Variants in MPP7 observed in about 807,000 individuals in gnomAD.
MPP7 encodes MAGUK p55 scaffold protein 7, also known as MAGUK p55 subfamily member 7.
Under a neutral mutation model 76.5 loss-of-function variants are expected in MPP7, and 60 were observed. That is an observed-to-expected ratio of 0.78 (90% CI 0.64 to 0.97). The LOEUF is 0.97. Ranked by LOEUF, MPP7 falls within the 50% of genes least tolerant of loss-of-function variation. The pLI is 0.00. For missense variants in MPP7, 641 were observed against 694.0 expected (o/e 0.92, Z 0.86); for synonymous variants, 237 against 244.5 (o/e 0.97, Z 0.29).
intron 13 of MPP7, among the ~76,000 whole-genome samples, chr10:28,069,271 A>G (rs890504171): frequency 7.9e-5 from 12 of 152,206 alleles, no homozygotes; most frequent in Non-Finnish European, 1.5e-5. Flanking sequence ...TGGATACCAC[A>G]TTCTCCATGA....
chr10:28,191,425 CAAATT>C (rs1290959045), intron 3 of MPP7, among the ~76,000 whole-genome samples: 1 of 152,096 alleles, frequency 6.6e-6, no homozygotes, highest in Non-Finnish European at 1.5e-5. Flanking sequence ...AGCAATAGAT[CAAATT>C]AATTATATAC....
At chr10:28,259,829 A>G (rs11006963) in intron 1 of MPP7, among the ~76,000 whole-genome samples, 30,253 of 151,934 alleles carry the variant, frequency 0.2, 3,858 homozygotes, top group Middle Eastern at 0.31. Flanking sequence ...AAAAAATACA[A>G]AAAATTAGCC....
At chr10:28,161,295 T>C (rs1051028768) in intron 3 of MPP7, among the ~76,000 whole-genome samples, 1 of 152,154 alleles carries the variant, frequency 6.6e-6, no homozygotes, top group Non-Finnish European at 1.5e-5. Flanking sequence ...GATATTTTAA[T>C]GCACTCAAAT....
chr10:28,262,210 T>TATAC (rs1839985950), intron 1 of MPP7, among the ~76,000 whole-genome samples: 6 of 8,210 alleles, frequency 7.3e-4, no homozygotes, highest in Admixed American at 1.8e-3. Context: ...TATATATACA[T>TATAC]ATATATATAT....
intron 12 of MPP7, among the ~76,000 whole-genome samples, chr10:28,077,919 T>C (rs571833113): frequency 6.6e-6 from 1 of 152,310 alleles, no homozygotes; most frequent in Non-Finnish European, 1.5e-5. Flanking sequence ...ATGTGTGACA[T>C]GGTTCACATA....
At chr10:28,329,381 C>A (rs1338637629) in intron 2 of MPP7, among the ~76,000 whole-genome samples, 1 of 152,086 alleles carries the variant, frequency 6.6e-6, no homozygotes, top group Non-Finnish European at 1.5e-5. Context: ...GTAATCCCAG[C>A]ACTTTGGGAA....
At chr10:28,076,969 T>G (rs1852518012) in intron 12 of MPP7, among the ~76,000 whole-genome samples, 1 of 151,740 alleles carries the variant, frequency 6.6e-6, no homozygotes, top group Non-Finnish European at 1.5e-5. Flanking sequence ...GGGATGTAAA[T>G]TCACCATTTC....
intron 3 of MPP7, among the ~76,000 whole-genome samples, chr10:28,172,592 T>C (rs1220910722): frequency 6.6e-6 from 1 of 152,216 alleles, no homozygotes; most frequent in Non-Finnish European, 1.5e-5. Context: ...GACAAAATAA[T>C]GTTTTTCATC....
chr10:28,284,968 G>A (rs184213882), intron 1 of MPP7, among the ~76,000 whole-genome samples: 178 of 152,234 alleles, frequency 1.2e-3, no homozygotes, highest in African/African-American at 4.1e-3. Context: ...GCTACTTTCA[G>A]AATAGAACAA....
chr10:28,314,038 C>A (rs1323519637), intron 2 of MPP7, among the ~76,000 whole-genome samples: 24 of 152,022 alleles, frequency 1.6e-4, no homozygotes, highest in Admixed American at 1.4e-3. Context: ...AGCTTCCATG[C>A]TGTTTAGAAT....
At chr10:28,161,758 C>G (rs1208554107) in intron 3 of MPP7, among the ~76,000 whole-genome samples, 1 of 152,066 alleles carries the variant, frequency 6.6e-6, no homozygotes, top group African/African-American at 2.4e-5. Flanking sequence ...ATTATTTCCC[C>G]AACTTTTCAC....
intron 12 of MPP7, among the ~76,000 whole-genome samples, chr10:28,081,576 T>A (rs1852760819): frequency 6.6e-6 from 1 of 152,224 alleles, no homozygotes; most frequent in Non-Finnish European, 1.5e-5. Flanking sequence ...TCCATTATTG[T>A]ATTTTTGCCA....
chr10:28,317,418 C>T (rs1361906694), intron 2 of MPP7, among the ~76,000 whole-genome samples: 7 of 152,098 alleles, frequency 4.6e-5, no homozygotes. Context: ...GTAGCCTCAA[C>T]TACTTGCGAG....
At chr10:28,193,200 T>C (rs1390969790) in intron 3 of MPP7, among the ~76,000 whole-genome samples, 1 of 148,454 alleles carries the variant, frequency 6.7e-6, no homozygotes, top group African/African-American at 2.6e-5. Context: ...GGTTTTTTTG[T>C]TTGGTTGGTT....
At chr10:28,238,320 A>G (rs1347251553) in intron 2 of MPP7, among the ~76,000 whole-genome samples, 4 of 152,220 alleles carry the variant, frequency 2.6e-5, no homozygotes, top group Non-Finnish European at 5.9e-5. Context: ...GCACAGAATT[A>G]TTCTAAAAGC....
rs116222864 is a variant in MPP7, at chr10:28,107,075, G to A, written c.952+12576C>T. Among the ~76,000 whole-genome samples, 593 of 152,232 alleles carry A rather than the reference G, an allele frequency of 3.9e-3. 2 individuals carry two copies. Among genetic ancestry groups the A allele is most frequent in the African/African-American group, 0.014 (565 of 41,530 alleles). ...AAAATCTGGCAAAACTTTAATAAATGTGTCAATTACTTAACCTAAAACTTA... is the reference window on the plus strand; with the variant it reads ...AAAATCTGGCAAAACTTTAATAAATATGTCAATTACTTAACCTAAAACTTA... On this transcript the variant is annotated intron_variant, in intron 11 of 16. Coordinates refer to ENST00000683449, the MANE Select transcript of MPP7 (RefSeq NM_001318170.2).
chr10:28,256,308 A>G (rs1047117749), intron 1 of MPP7, among the ~76,000 whole-genome samples: 1 of 145,606 alleles, frequency 6.9e-6, no homozygotes, highest in East Asian at 2.0e-4. Flanking sequence ...ATTGCCATAC[A>G]TTTTCAGTTG....
intron 1 of MPP7, among the ~76,000 whole-genome samples, chr10:28,270,373 A>G (rs946265069): frequency 1.3e-5 from 2 of 152,058 alleles, no homozygotes; most frequent in African/African-American, 4.8e-5. Context: ...CATGTTTAAA[A>G]CTATTGTTTT....
chr10:28,151,549 C>G (rs1293664073), intron 3 of MPP7, among the ~76,000 whole-genome samples: 1 of 152,152 alleles, frequency 6.6e-6, no homozygotes, highest in African/African-American at 2.4e-5. Flanking sequence ...TGCTTCCCTG[C>G]TATAATAAAC....
Sources: gnomAD v4.1 joint callset for allele counts (sites outside exome capture counted in the v4.1 genomes callset) on GRCh38, gnomAD v4.1.1 for gene constraint, MANE v1.5 for transcripts, NCBI Gene and HGNC (gene_info 2026-07-23, HGNC 2026-07-21) for gene names.